CECR2: variants seen among roughly 807,000 people sequenced by gnomAD.
CECR2 encodes the protein CECR2 histone acetyl-lysine reader.
CECR2 carries 30 observed loss-of-function variants against 154.5 expected under a neutral mutation model. The ratio of observed to expected loss-of-function variants is 0.19; its 90% CI spans 0.15 to 0.26. The LOEUF (loss-of-function observed/expected upper bound fraction) is 0.26, where lower values mean the gene tolerates loss of function less well. Among genes scored for constraint, CECR2 ranks in the 10% least tolerant of loss-of-function variants. The pLI is 1.00. For missense variants in CECR2, 1,743 were observed against 1,829.3 expected (o/e 0.95, Z 0.86); for synonymous variants, 725 against 683.7 (o/e 1.06, Z -0.94).
At chr22:17,515,616 A>G (rs1285584496) in intron 8 of CECR2, among the ~76,000 whole-genome samples, 1 of 152,210 alleles carries the variant, frequency 6.6e-6, no homozygotes, top group African/African-American at 2.4e-5. Context: ...AAGCGTGTGA[A>G]CATGTGATGA....
chr22:17,395,801 A>G (rs186911118), intron 1 of CECR2, among the ~76,000 whole-genome samples: 2 of 152,194 alleles, frequency 1.3e-5, no homozygotes, highest in East Asian at 3.9e-4. Context: ...AAAGTTCATC[A>G]TGGTTTTTAT....
chr22:17,383,408 C>A (rs897166641), intron 1 of CECR2, among the ~76,000 whole-genome samples: 3 of 152,126 alleles, frequency 2.0e-5, no homozygotes. Flanking sequence ...CCTCTCAAAC[C>A]CTGCCACTGC....
At chr22:17,453,390 C>T (rs921792044) in intron 1 of CECR2, among the ~76,000 whole-genome samples, 4 of 152,000 alleles carry the variant, frequency 2.6e-5, no homozygotes, top group Non-Finnish European at 4.4e-5. Flanking sequence ...TGTGGTGAGT[C>T]GAGATTGCGC....
intron 1 of CECR2, among the ~76,000 whole-genome samples, chr22:17,415,745 T>G (rs2054148073): frequency 6.6e-6 from 1 of 152,242 alleles, no homozygotes; most frequent in African/African-American, 2.4e-5. Flanking sequence ...TTTAAGTGGG[T>G]CAGAAATTGG....
chr22:17,418,775 G>A (rs56407437), intron 1 of CECR2: 45,354 of 284,396 alleles, frequency 0.16, 4,611 homozygotes, highest in African/African-American at 0.35. Flanking sequence ...AGGGAGGACG[G>A]GAGAGGGAGG....
intron 16 of CECR2, among the ~76,000 whole-genome samples, chr22:17,544,402 G>A (rs2056577837): frequency 6.6e-6 from 1 of 151,074 alleles, no homozygotes; most frequent in Non-Finnish European, 1.5e-5. Flanking sequence ...GGAGGCTGAG[G>A]CAGGAGAATG....
chr22:17,544,576 C>G, intron 16 of CECR2, among the ~76,000 whole-genome samples: 1 of 150,742 alleles, frequency 6.6e-6, no homozygotes, highest in South Asian at 2.1e-4. Context: ...TTTAGGAGGC[C>G]AAGGCAGGCA....
At chr22:17,418,410 T>G (rs975329755) in intron 1 of CECR2, among the ~76,000 whole-genome samples, 3 of 152,220 alleles carry the variant, frequency 2.0e-5, no homozygotes, top group Admixed American at 2.0e-4. Context: ...GTGTCTGTCT[T>G]TGCCCGGAAC....
chr22:17,407,775 G>C (rs2054007131), intron 1 of CECR2, among the ~76,000 whole-genome samples: 1 of 152,184 alleles, frequency 6.6e-6, no homozygotes. Flanking sequence ...CCACAACTCA[G>C]GGGAAGAGGG....
chr22:17,417,151 G>C (rs932942122), intron 1 of CECR2, among the ~76,000 whole-genome samples: 12 of 151,890 alleles, frequency 7.9e-5, no homozygotes, highest in Admixed American at 7.9e-4. Context: ...TTTACTCCAT[G>C]CGTTTCAGAA....
intron 1 of CECR2, among the ~76,000 whole-genome samples, chr22:17,429,615 C>T (rs2054390976): frequency 6.7e-6 from 1 of 150,308 alleles, no homozygotes; most frequent in African/African-American, 2.5e-5. Flanking sequence ...TTAGCTTATA[C>T]AGAGTAAGTT....
At chr22:17,525,311 A>G (rs954548961) in intron 9 of CECR2, among the ~76,000 whole-genome samples, 1 of 146,990 alleles carries the variant, frequency 6.8e-6, no homozygotes, top group East Asian at 2.0e-4. Context: ...AAAAAAAAAA[A>G]AAAAGAAAGG....
intron 1 of CECR2, among the ~76,000 whole-genome samples, chr22:17,436,766 A>AGT (rs2054512995): frequency 6.6e-6 from 1 of 152,184 alleles, no homozygotes; most frequent in African/African-American, 2.4e-5. Context: ...GGAGAAGGTA[A>AGT]GTGTTGAGCC....
intron 1 of CECR2, among the ~76,000 whole-genome samples, chr22:17,372,161 C>A (rs1471205535): frequency 4.6e-5 from 7 of 152,166 alleles, no homozygotes; most frequent in African/African-American, 1.7e-4. Flanking sequence ...TTCAAACATG[C>A]AGGTTTTAAG....
chr22:17,528,246 C>T (rs1169769309), intron 9 of CECR2, among the ~76,000 whole-genome samples: 1 of 152,142 alleles, frequency 6.6e-6, no homozygotes, highest in Non-Finnish European at 1.5e-5. Flanking sequence ...AAGATGCAGT[C>T]GTTTGCAACA....
chr22:17,513,887 C>T (rs1017059518), intron 8 of CECR2, among the ~76,000 whole-genome samples: 5 of 152,146 alleles, frequency 3.3e-5, no homozygotes, highest in Non-Finnish European at 5.9e-5. Flanking sequence ...TTCATTGCTC[C>T]AAGCAAAACT....
intron 1 of CECR2, among the ~76,000 whole-genome samples, chr22:17,425,994 C>T (rs1231903187): frequency 1.3e-5 from 2 of 152,108 alleles, no homozygotes; most frequent in African/African-American, 4.8e-5. Context: ...CCTTTTTAAC[C>T]ATATATCAAG....
At chr22:17,360,622 A>C (rs1357771597) in intron 1 of CECR2, among the ~76,000 whole-genome samples, 1 of 152,100 alleles carries the variant, frequency 6.6e-6, no homozygotes, top group African/African-American at 2.4e-5. Context: ...GGTTGCAGTG[A>C]ACCAAGATTG....
rs188719598 is a variant in CECR2, at chr22:17,530,663, C to T, written c.1108+6392C>T. Among the ~76,000 whole-genome samples the T allele has an allele frequency of 5.2e-3, 781 of 150,592 alleles. 5 individuals carry two copies. The highest frequency in any genetic ancestry group is 0.017 in the African/African-American group (712 of 40,880). The stretch of plus-strand genomic sequence containing the variant: ...CTGCATTCCAGCCTGGGCAACAGAG[C>T]GAGACTCTGTCCCCCTCAAAAAAGA... On this transcript the variant is annotated intron_variant, in intron 9 of 18. Coordinates refer to ENST00000262608, the MANE Select transcript of CECR2 (RefSeq NM_001290047.2).
Sources: gnomAD v4.1 joint callset for allele counts (sites outside exome capture counted in the v4.1 genomes callset) on GRCh38, gnomAD v4.1.1 for gene constraint, MANE v1.5 for transcripts, NCBI Gene and HGNC (gene_info 2026-07-23, HGNC 2026-07-21) for gene names.